Variants in DCLRE1B observed in about 807,000 individuals in gnomAD.
The protein encoded by DCLRE1B is 5' exonuclease Apollo.
Under a neutral mutation model 19.8 loss-of-function variants are expected in DCLRE1B, and 6 were observed. The ratio of observed to expected loss-of-function variants is 0.30; its 90% CI spans 0.17 to 0.60. DCLRE1B has a LOEUF of 0.60. Among genes scored for constraint, DCLRE1B ranks in the 20% least tolerant of loss-of-function variants. The pLI is 0.87. For missense variants in DCLRE1B, 622 were observed against 654.2 expected, an observed-to-expected ratio of 0.95 and a Z score of 0.54; for synonymous variants, 258 against 255.7, an observed-to-expected ratio of 1.01 and a Z score of -0.09.
rs888840799 is a variant in DCLRE1B, at chr1:113,906,990, T to A, written c.190-6T>A. On this transcript the variant is annotated splice_polypyrimidine_tract_variant and splice_region_variant and intron_variant, in intron 1 of 3. Coordinates refer to ENST00000650450, the MANE Select transcript of DCLRE1B (RefSeq NM_022836.4). ...TGGTCACTGGGATGACTAACTGTTT[T>A]CTCAGGTATCTAAGCAATGGATCCA... 4.3e-6 allele frequency: 7 copies of A among 1,613,588 alleles called. No homozygotes were observed. Among genetic ancestry groups the A allele is most frequent in the Non-Finnish European group, 5.9e-6 (7 of 1,179,820 alleles).
intron 3 of DCLRE1B, among the ~76,000 whole-genome samples, chr1:113,909,173 G>C (rs550722192): frequency 6.6e-6 from 1 of 152,228 alleles, no homozygotes; most frequent in Admixed American, 6.5e-5. Context: ...ACTAATGCCT[G>C]ACACAGAAGC....
At chr1:113,907,202 A>ATTTTTT (rs756672653) in intron 2 of DCLRE1B, 41 bp downstream of exon 2, 32 of 203,186 alleles carry the variant, frequency 1.6e-4, no homozygotes, top group African/African-American at 1.5e-3. Flanking sequence ...TCCAGACTAG[A>ATTTTTT]TGTTTTTTTT....
At chr1:113,909,298 T>A (rs566367766) in intron 3 of DCLRE1B, among the ~76,000 whole-genome samples, 1 of 152,332 alleles carries the variant, frequency 6.6e-6, no homozygotes, top group East Asian at 1.9e-4. Flanking sequence ...TTATAAATAG[T>A]ATAAAACATT....
chr1:113,911,869 C>T lies in DCLRE1B; in HGVS notation c.1277C>T (p.Thr426Met), dbSNP rs375759945. The change falls in exon 4 of 4, where the codon ACG becomes ATG. Residue 426 changes from threonine to methionine, a missense_variant. Coordinates refer to ENST00000650450, the MANE Select transcript of DCLRE1B (RefSeq NM_022836.4). ...TCTCAAAAGAGGGTGACTATGTTGA[C>T]GGCCCCACTGGGATTTTCAGTGCAC... Reference protein sequence around the residue: ...CESQKRVTMLTAPLGFSVHLR... With the variant: ...CESQKRVTMLMAPLGFSVHLR... 1.1e-5 allele frequency: 18 copies of T among 1,614,068 alleles called. No homozygotes were observed. The highest frequency in any genetic ancestry group is 3.3e-4 in the Middle Eastern group (2 of 6,084).
At position 113,911,894 on chromosome 1, in the gene DCLRE1B, C is replaced by G; in HGVS notation, c.1302C>G (p.His434Gln). 1.2e-6 allele frequency: 2 copies of G among 1,614,170 alleles called. No individual in the cohort carries two copies. Among genetic ancestry groups the G allele is most frequent in the East Asian group, 2.2e-5 (1 of 44,888 alleles). The change falls in exon 4 of 4, where the codon CAC becomes CAG. Residue 434 changes from histidine to glutamine, a missense_variant. This residue lies in a region of DCLRE1B where 382 missense variants were observed against 412.5 expected (regional missense o/e 0.93). Transcript: ENST00000650450. ...CGGCCCCACTGGGATTTTCAGTGCACTTAAGGTCTACAGATGAGGAGTTTA... is the reference window on the plus strand; with the variant it reads ...CGGCCCCACTGGGATTTTCAGTGCAGTTAAGGTCTACAGATGAGGAGTTTA... ...MLTAPLGFSV[H>Q]LRSTDEEFIS...
At chr1:113,907,194 C>A in intron 2 of DCLRE1B, 33 bp downstream of exon 2, 2 of 825,220 alleles carry the variant, frequency 2.4e-6, no homozygotes, top group Non-Finnish European at 3.6e-6. Flanking sequence ...GTGACTTCTC[C>A]AGACTAGATG....
chr1:113,910,090 A>G (rs1306601817), intron 3 of DCLRE1B, among the ~76,000 whole-genome samples: 1 of 152,112 alleles, frequency 6.6e-6, no homozygotes, highest in Non-Finnish European at 1.5e-5. Flanking sequence ...TGTAAGTACT[A>G]TTTGGGCCCT....
intron 2 of DCLRE1B, 96 bp downstream of exon 2, chr1:113,907,257 A>G: frequency 9.2e-7 from 1 of 1,092,502 alleles, no homozygotes; most frequent in African/African-American, 2.1e-5. Context: ...GGGGCCTCGC[A>G]GTGTTGCCGA....
At position 113,911,451 on chromosome 1, in the gene DCLRE1B, G is replaced by A. The variant is rs377357996; in HGVS notation, c.859G>A (p.Ala287Thr). ...TTACTCCGAGCTTCGTGCCTTTGTC[G>A]CAGCACTGAAGCCTTGCCAGGTGGT... Reference protein sequence around the residue: ...SSYSELRAFVAALKPCQVVPI... With the variant: ...SSYSELRAFVTALKPCQVVPI... Residue 287 changes from alanine to threonine, a missense_variant, in exon 4 of 4, where the codon GCA becomes ACA. Ala to Thr is a moderately conservative substitution (Grantham distance 58, BLOSUM62 0). This residue lies in a region of DCLRE1B where 382 missense variants were observed against 412.5 expected (regional missense o/e 0.93). Transcript: ENST00000650450. The A allele has an allele frequency of 9.3e-6, 15 of 1,613,962 alleles. No individual in the cohort carries two copies. The highest frequency in any genetic ancestry group is 2.2e-5 in the East Asian group (1 of 44,898).
rs369506973 is a variant in DCLRE1B at position 113,907,234 on chromosome 1, T to TTTA, written c.355+73_355+74insTTA. ...TTTTTTTTTTTTTTTTTTTTTTTTT[T>TTTA]AATGTATAGACTGGGGCCTCGCAGT... On this transcript the variant is annotated intron_variant, in intron 2 of 3. Coordinates refer to ENST00000650450, the MANE Select transcript of DCLRE1B (RefSeq NM_022836.4). The TTTA allele has an allele frequency of 2.2e-3, 2,171 of 990,720 alleles. 99 individuals are homozygous for TTTA. The highest frequency in any genetic ancestry group is 5.3e-3 in the South Asian group (275 of 52,160). The allele number at this position is 990,720 out of a possible 1,614,324, so 61.4% of individuals were successfully genotyped here.
Position 113,906,979 on chromosome 1 carries a change from A to T in DCLRE1B, c.190-17A>T, listed in dbSNP as rs754097786. 4.3e-6 allele frequency: 7 copies of T among 1,613,602 alleles called. No individual in the cohort carries two copies. Among genetic ancestry groups the T allele is most frequent in the East Asian group, 2.2e-5 (1 of 44,858 alleles). On this transcript the variant is annotated splice_polypyrimidine_tract_variant and intron_variant, in intron 1 of 3. Transcript: ENST00000650450. The stretch of plus-strand genomic sequence containing the variant: ...AGAGGAGTCAGTGGTCACTGGGATG[A>T]CTAACTGTTTTCTCAGGTATCTAAG...
At chr1:113,908,760 T>G (rs1669139826) in intron 3 of DCLRE1B, among the ~76,000 whole-genome samples, 1 of 151,938 alleles carries the variant, frequency 6.6e-6, no homozygotes, top group South Asian at 2.1e-4. Flanking sequence ...ATTGCTTACT[T>G]GTTGTCTATC....
At chr1:113,908,569 C>A (rs1316105311) in intron 3 of DCLRE1B, among the ~76,000 whole-genome samples, 1 of 152,094 alleles carries the variant, frequency 6.6e-6, no homozygotes, top group African/African-American at 2.4e-5. Context: ...CATGTAAGTG[C>A]CATTGCACTC....
chr1:113,911,097 T>G (rs749694733), intron 3 of DCLRE1B, 34 bp from the exon 4 acceptor site: 2 of 1,544,580 alleles, frequency 1.3e-6, no homozygotes, highest in African/African-American at 2.8e-5. Flanking sequence ...TTCTTCCTTC[T>G]CTTACTTTCC....
chr1:113,909,858 G>T (rs1217741108), intron 3 of DCLRE1B, among the ~76,000 whole-genome samples: 9 of 152,130 alleles, frequency 5.9e-5, no homozygotes, highest in Non-Finnish European at 4.4e-5. Flanking sequence ...AATATATATA[G>T]AGAGAAGAAA....
chr1:113,909,278 G>C (rs1330779879), intron 3 of DCLRE1B, among the ~76,000 whole-genome samples: 2 of 152,178 alleles, frequency 1.3e-5, no homozygotes, highest in Non-Finnish European at 2.9e-5. Context: ...GTTTGTGCTT[G>C]TTGTACTGAT....
At position 113,911,317 on chromosome 1, in the gene DCLRE1B, T is replaced by C. The variant is rs778212196; in HGVS notation, c.725T>C (p.Met242Thr). 1 of 1,614,148 alleles carries C rather than the reference T, an allele frequency of 6.2e-7. No homozygotes were observed. Among genetic ancestry groups the C allele is most frequent in the South Asian group, 1.1e-5 (1 of 91,084 alleles). Residue 242 changes from methionine to threonine, a missense_variant, in exon 4 of 4, where the codon ATG becomes ACG. Met to Thr is a moderately conservative substitution (Grantham distance 81). Coordinates refer to ENST00000650450, the MANE Select transcript of DCLRE1B (RefSeq NM_022836.4). ...CATATGGAGATCTGCCATTCCAACA[T>C]GCTGCGTTGGAACCAGACCCACCCT... is the stretch of plus-strand genomic sequence containing the variant. The part of the protein sequence containing the change: ...VDHMEICHSN[M>T]LRWNQTHPTI...
At chr1:113,904,803 G>A (rs1668766232), upstream of DCLRE1B, 1 of 1,118,540 alleles carries the variant, frequency 8.9e-7, no homozygotes, top group East Asian at 2.4e-5. Flanking sequence ...CCTGAGTAAA[G>A]GAAATATGAG....
intron 3 of DCLRE1B, among the ~76,000 whole-genome samples, chr1:113,909,908 C>T (rs1452173246): frequency 6.6e-6 from 1 of 152,100 alleles, no homozygotes; most frequent in Admixed American, 6.5e-5. Context: ...GATTTTGAAC[C>T]ATAATCAGGA....
Sources: gnomAD v4.1 joint callset for allele counts (sites outside exome capture counted in the v4.1 genomes callset) on GRCh38, gnomAD v4.1.1 for gene constraint, gnomAD v4.1.1 regional missense constraint, MANE v1.5 for transcripts, NCBI Gene and HGNC (gene_info 2026-07-23, HGNC 2026-07-21) for gene names.